Variants in DUSP3 observed in about 807,000 individuals in gnomAD.
DUSP3 encodes dual specificity phosphatase 3, also known as dual specificity protein phosphatase 3.
A neutral mutation model predicts 15.5 loss-of-function variants in DUSP3; 7 were observed. The ratio of observed to expected loss-of-function variants is 0.45; its 90% CI spans 0.26 to 0.85. DUSP3 has a LOEUF of 0.85. DUSP3 is among the 40% of genes least tolerant of loss of function. DUSP3 has a pLI of 0.18. For synonymous variants in DUSP3, 86 were observed against 104.2 expected (o/e 0.83, Z 1.07); for missense variants, 209 against 251.7 (o/e 0.83, Z 1.15).
In DUSP3 at chr17:43,774,111, TAAAAAAAAAAAA is replaced by T. The variant is rs556992898; in HGVS notation, c.352+589_352+600del. On this transcript the variant is annotated intron_variant, in intron 2 of 2. Transcript: ENST00000226004. ...TGGGCAACAAGAGTGAAACTCCATCTAAAAAAAAAAAAAAAAAAAAAAAAGGAGAGAGAGAAG... is the reference window on the plus strand; with the variant it reads ...TGGGCAACAAGAGTGAAACTCCATCTAAAAAAAAAAAAGGAGAGAGAGAAG... 2.0e-4 allele frequency: 13 copies of T among 64,910 alleles called. 1 individual carries two copies. Among genetic ancestry groups the T allele is most frequent in the Middle Eastern group, 9.3e-3 (1 of 108 alleles). 4.0% of individuals were successfully genotyped at this position (64,910 alleles called of 1,614,324 possible).
Position 43,769,767 on chromosome 17 carries a change from G to C in DUSP3, c.400C>G (p.Leu134Val). Reference sequence around the variant, plus strand: ...CGCATCATGAGGTAGGCGATAACTAGCGTTGGGGAGCGGCTATAACCTTCC... The same window carrying C: ...CGCATCATGAGGTAGGCGATAACTACCGTTGGGGAGCGGCTATAACCTTCC... ...CREGYSRSPT[L>V]VIAYLMMRQK... is the part of the protein sequence containing the mutation. The change falls in exon 3 of 3, where the codon CTA becomes GTA. Residue 134 changes from leucine (L) to valine (V), a missense_variant. Coordinates refer to ENST00000226004, the MANE Select transcript of DUSP3 (RefSeq NM_004090.4). 6.2e-7 allele frequency: 1 copy of C among 1,614,120 alleles called. No individual in the cohort carries two copies. The highest frequency in any genetic ancestry group is 8.5e-7 in the Non-Finnish European group (1 of 1,180,024).
chr17:43,773,887 G>T (rs752389784), intron 2 of DUSP3: 12 of 161,142 alleles, frequency 7.4e-5, no homozygotes, highest in Non-Finnish European at 1.2e-4. Context: ...ATCACCTGAG[G>T]TCAGGAGTTG....
rs571866947 is a variant in DUSP3, at chr17:43,770,520, G to T, written c.353-706C>A. Among the ~76,000 whole-genome samples the T allele has an allele frequency of 2.5e-3, 378 of 152,104 alleles. 2 individuals are homozygous for T. Among genetic ancestry groups the T allele is most frequent in the Middle Eastern group, 6.8e-3 (2 of 294 alleles). On this transcript the variant is annotated intron_variant, in intron 2 of 2. Transcript: ENST00000226004. ...AAGATACAAAAAAATAGCTGGGTGT[G>T]GTGGCGCGAGCCTATAATCCCAGCT... is the stretch of plus-strand genomic sequence containing the variant.
Position 43,774,171 on chromosome 17 carries a change from G to A in DUSP3, c.352+541C>T, listed in dbSNP as rs528687640. On this transcript the variant is annotated intron_variant, in intron 2 of 2. Transcript: ENST00000226004. ...AAGAGGAAAAAAAAGAGTGGGAAGAGATGGCTGCAGGGCCTCATCTGCTGT... is the reference window on the plus strand; with the variant it reads ...AAGAGGAAAAAAAAGAGTGGGAAGAAATGGCTGCAGGGCCTCATCTGCTGT... The A allele has an allele frequency of 6.0e-5, 16 of 266,790 alleles. 1 individual carries two copies. Among genetic ancestry groups the A allele is most frequent in the South Asian group, 4.7e-4 (15 of 31,660 alleles). 16.5% of individuals were successfully genotyped at this position (266,790 alleles called of 1,614,324 possible). A position where few individuals can be genotyped will look rare whatever the true frequency, so the allele number is the denominator to read the frequency against.
intron 1 of DUSP3, among the ~76,000 whole-genome samples, chr17:43,775,751 A>G (rs979072772): frequency 5.9e-5 from 9 of 152,208 alleles, no homozygotes; most frequent in African/African-American, 2.2e-4. Context: ...CTACGTTTCC[A>G]AAGCTCTTTT....
Position 43,774,915 on chromosome 17 carries a change from T to C in DUSP3, c.149A>G (p.Lys50Arg), listed in dbSNP as rs768275135. 7 of 1,614,168 alleles carry C rather than the reference T, an allele frequency of 4.3e-6. No homozygotes were observed. The South Asian group carries it at 6.6e-5, about 15-fold the overall frequency. ...GNASVAQDIP[K>R]LQKLGITHVL... ...ATGGGTGATGCCTAGTTTCTGCAGC[T>C]TGGGGATGTCCTGAGCCACAGACCT... is the stretch of plus-strand genomic sequence containing the variant. Residue 50 changes from lysine (K) to arginine (R), a missense_variant, in exon 2 of 3, where the codon AAG (lysine) becomes AGG (arginine). By Grantham distance (26) the Lys-to-Arg change is conservative. Transcript: ENST00000226004.
Position 43,774,745 on chromosome 17 carries a change from C to T in DUSP3, c.319G>A (p.Asp107Asn), listed in dbSNP as rs759810249. The change falls in exon 2 of 3, where the codon GAC becomes AAC. Residue 107 changes from aspartate to asparagine, a missense_variant. Asp to Asn is a conservative substitution (Grantham distance 23). Coordinates refer to ENST00000226004, the MANE Select transcript of DUSP3 (RefSeq NM_004090.4). ...NLSAYFERAA[D>N]FIDQALAQKN... is the part of the protein sequence containing the mutation. ...TGAGCCAAAGCCTGGTCAATGAAGTCGGCAGCCCTTTCAAAGTAAGCGCTG... is the reference window on the plus strand; with the variant it reads ...TGAGCCAAAGCCTGGTCAATGAAGTTGGCAGCCCTTTCAAAGTAAGCGCTG... The T allele has an allele frequency of 3.8e-5, 61 of 1,614,076 alleles. No individual in the cohort carries two copies. Among genetic ancestry groups the T allele is most frequent in the Non-Finnish European group, 4.7e-5 (56 of 1,180,040 alleles).
intron 1 of DUSP3, 102 bp downstream of exon 1, chr17:43,778,698 C>G: frequency 1.5e-6 from 2 of 1,339,018 alleles, no homozygotes; most frequent in East Asian, 6.4e-5. Context: ...CCATCGCGCC[C>G]GGGCTCCCCC....
Position 43,774,837 on chromosome 17 carries a change from T to C in DUSP3, c.227A>G (p.Asn76Ser). The part of the protein sequence containing the change: ...RSFMHVNTNA[N>S]FYKDSGITYL... ...TGTGATGCCGGAGTCCTTGTAGAAGTTGGCATTGGTGTTGACGTGCATGAA... is the reference window on the plus strand; with the variant it reads ...TGTGATGCCGGAGTCCTTGTAGAAGCTGGCATTGGTGTTGACGTGCATGAA... The change falls in exon 2 of 3, where the codon AAC becomes AGC. Residue 76 changes from asparagine (N) to serine (S), a missense_variant. By Grantham distance (46) the Asn-to-Ser change is conservative. Coordinates refer to ENST00000226004, the MANE Select transcript of DUSP3 (RefSeq NM_004090.4). 6.2e-7 allele frequency: 1 copy of C among 1,614,158 alleles called. No individual in the cohort carries two copies. The highest frequency in any genetic ancestry group is 8.5e-7 in the Non-Finnish European group (1 of 1,180,032).
At position 43,774,927 on chromosome 17, in the gene DUSP3, T is replaced by C; in HGVS notation, c.137A>G (p.Gln46Arg). 1.9e-6 allele frequency: 3 copies of C among 1,614,192 alleles called. No individual in the cohort carries two copies. The highest frequency in any genetic ancestry group is 2.5e-6 in the Non-Finnish European group (3 of 1,180,036). Residue 46 changes from glutamine to arginine, a missense_variant, in exon 2 of 3, where the codon CAG becomes CGG. Transcript: ENST00000226004. ...TAGTTTCTGCAGCTTGGGGATGTCCTGAGCCACAGACCTGGACAGGAGACA... is the reference window on the plus strand; with the variant it reads ...TAGTTTCTGCAGCTTGGGGATGTCCCGAGCCACAGACCTGGACAGGAGACA... ...RIYVGNASVAQDIPKLQKLGI... is the reference protein window; with the variant it reads ...RIYVGNASVARDIPKLQKLGI...
rs990024524 is a variant in DUSP3, at chr17:43,778,634, G to A, written c.125+166C>T. Reference sequence around the variant, plus strand: ...CCAGTTCCTTGGCCCCACGCGCGGGGGTAGGCGTCGACTCCAGGCCCCTCC... The same window carrying A: ...CCAGTTCCTTGGCCCCACGCGCGGGAGTAGGCGTCGACTCCAGGCCCCTCC... On this transcript the variant is annotated intron_variant, in intron 1 of 2. Transcript: ENST00000226004. Among the ~76,000 whole-genome samples the A allele has an allele frequency of 1.7e-4, 26 of 152,224 alleles. No individual in the cohort carries two copies. In the East Asian group the frequency reaches 4.5e-3, roughly 26 times the overall value.
At chr17:43,774,631 A>G (rs1974363808) in intron 2 of DUSP3, 81 bp downstream of exon 2, 4 of 1,442,030 alleles carry the variant, frequency 2.8e-6, no homozygotes, top group Non-Finnish European at 3.9e-6. Flanking sequence ...TTCTAAGAAG[A>G]GACCTGTTGT....
rs1974257277 is a variant in DUSP3 at position 43,767,593 on chromosome 17, A to G, written c.*2016T>C. The stretch of plus-strand genomic sequence containing the variant: ...CTGAACCTCAGTTCCTTTTTTTTAA[A>G]AAAGGTCACAATACAAGAACAAGCT... On this transcript the variant is annotated 3_prime_UTR_variant, in exon 3 of 3. Transcript: ENST00000226004. 6.6e-6 allele frequency: 1 copy of G among 152,280 alleles called. No individual in the cohort carries two copies. The highest frequency in any genetic ancestry group is 1.5e-5 in the Non-Finnish European group (1 of 68,004). The allele number at this position is 152,280 out of a possible 1,614,324, so 9.4% of individuals were successfully genotyped here.
rs1187498334 is a variant in DUSP3 at position 43,766,265 on chromosome 17, T to C, written c.*3344A>G. 2 of 152,112 alleles carry C rather than the reference T, an allele frequency of 1.3e-5. No individual in the cohort carries two copies. Among genetic ancestry groups the C allele is most frequent in the African/African-American group, 4.8e-5 (2 of 41,316 alleles). 9.4% of individuals were successfully genotyped at this position (152,112 alleles called of 1,614,324 possible). ...TTTTCTGTCCAGAAAAATTCACTCT[T>C]TCATAATCAAATTACCCTAAAATTT... On this transcript the variant is annotated 3_prime_UTR_variant, in exon 3 of 3. Coordinates refer to ENST00000226004, the MANE Select transcript of DUSP3 (RefSeq NM_004090.4).
At chr17:43,773,566 A>G (rs371384260) in intron 2 of DUSP3, among the ~76,000 whole-genome samples, 1 of 152,140 alleles carries the variant, frequency 6.6e-6, no homozygotes, top group Non-Finnish European at 1.5e-5. Context: ...CTGACTGCCA[A>G]CCTAAGCTGA....
At chr17:43,775,454 TTA>T (rs1974375455) in intron 1 of DUSP3, among the ~76,000 whole-genome samples, 2 of 152,140 alleles carry the variant, frequency 1.3e-5, no homozygotes, top group Admixed American at 6.5e-5. Flanking sequence ...CTTGAGGTTG[TTA>T]TGAGTATTAA....
At position 43,766,682 on chromosome 17, in the gene DUSP3, C is replaced by A. The variant is rs1328064294; in HGVS notation, c.*2927G>T. 1 of 152,498 alleles carries A rather than the reference C, an allele frequency of 6.6e-6. No homozygotes were observed. Among genetic ancestry groups the A allele is most frequent in the Non-Finnish European group, 1.5e-5 (1 of 68,032 alleles). The allele number at this position is 152,498 out of a possible 1,614,324, so 9.4% of individuals were successfully genotyped here. A position where few individuals can be genotyped will look rare whatever the true frequency, so the allele number is the denominator to read the frequency against. Reference sequence around the variant, plus strand: ...AATTCCAAGTGGGGATTATTAGAGACCCCTCAGAGCCAAAAGGGGACCTTA... The same window carrying A: ...AATTCCAAGTGGGGATTATTAGAGAACCCTCAGAGCCAAAAGGGGACCTTA... On this transcript the variant is annotated 3_prime_UTR_variant, in exon 3 of 3. Coordinates refer to ENST00000226004, the MANE Select transcript of DUSP3 (RefSeq NM_004090.4).
At chr17:43,778,698 C>T (rs2051986557) in intron 1 of DUSP3, 102 bp downstream of exon 1, 5 of 1,338,904 alleles carry the variant, frequency 3.7e-6, no homozygotes, top group Non-Finnish European at 4.8e-6. Context: ...CCATCGCGCC[C>T]GGGCTCCCCC....
At chr17:43,775,826 A>G (rs1222643153) in intron 1 of DUSP3, among the ~76,000 whole-genome samples, 1 of 152,172 alleles carries the variant, frequency 6.6e-6, no homozygotes, top group Non-Finnish European at 1.5e-5. Context: ...AAAATAATTT[A>G]TCTAAGGTCG....
Sources: allele counts gnomAD v4.1 joint callset (sites outside exome capture counted in the v4.1 genomes callset), GRCh38; gene constraint gnomAD v4.1.1; transcripts MANE v1.5; gene names NCBI Gene and HGNC (gene_info 2026-07-23, HGNC 2026-07-21).